Variants in DNASE1 observed in about 807,000 individuals in gnomAD.
The protein encoded by DNASE1 is deoxyribonuclease-1.
A neutral mutation model predicts 33.9 loss-of-function variants in DNASE1; 40 were observed. That is an observed-to-expected ratio of 1.18 (90% CI 0.92 to 1.54). DNASE1 has a LOEUF of 1.54. Ranked by LOEUF, DNASE1 falls within the 40% of genes most tolerant of loss-of-function variation. The pLI is 0.00. For missense variants in DNASE1, 518 were observed against 372.6 expected, an observed-to-expected ratio of 1.39 and a Z score of -3.21; for synonymous variants, 216 against 160.0, an observed-to-expected ratio of 1.35 and a Z score of -2.64.
intron 1 of DNASE1, among the ~76,000 whole-genome samples, chr16:3,618,035 C>T (rs558050860): frequency 7.2e-6 from 1 of 139,770 alleles, no homozygotes; most frequent in East Asian, 2.1e-4. Flanking sequence ...AATGAAAAGA[C>T]AACTCAGAAA....
chr16:3,627,591 A>G (rs2041555327), intron 1 of DNASE1, among the ~76,000 whole-genome samples: 3 of 151,962 alleles, frequency 2.0e-5, no homozygotes, highest in Admixed American at 2.0e-4. Context: ...TTTGTTTCCT[A>G]TGACTTTGAT....
At chr16:3,658,275 C>G (rs1182347058), downstream of DNASE1, 1 of 1,463,816 alleles carries the variant, frequency 6.8e-7, no homozygotes, top group African/African-American at 1.5e-5. Context: ...CATGGGGCAC[C>G]TTTTCATTTT....
In DNASE1 at chr16:3,664,176, CGGAGTCTTG is replaced by C; in HGVS notation, c.*6226_*6234del. 2.3e-6 allele frequency: 3 copies of C among 1,319,014 alleles called. No individual in the cohort carries two copies. The South Asian group carries it at 4.8e-5, about 21-fold the overall frequency. 81.7% of individuals were successfully genotyped at this position (1,319,014 alleles called of 1,614,324 possible). A position where few individuals can be genotyped will look rare whatever the true frequency, so the allele number is the denominator to read the frequency against. ...CCCTGACCCACTGTGCAGCCCTGCCCGGAGTCTTGGGCAGGTTCACCCAGCACAGAGCTG... is the reference window on the plus strand; with the variant it reads ...CCCTGACCCACTGTGCAGCCCTGCCCGGCAGGTTCACCCAGCACAGAGCTG... On this transcript the variant is annotated 3_prime_UTR_variant, in exon 10 of 10. Coordinates refer to the DNASE1 transcript ENST00000407479.
rs762047836 is a variant in DNASE1 at position 3,656,676 on chromosome 16, A to T, written c.359A>T (p.Asp120Val). 6 of 1,613,034 alleles carry T rather than the reference A, an allele frequency of 3.7e-6. No individual in the cohort carries two copies. In the Admixed American group the frequency reaches 8.3e-5, roughly 22 times the overall value. The change falls in exon 5 of 9, where the codon GAT becomes GTT. Residue 120 changes from aspartate to valine, a missense_variant. Physicochemically the swap from Asp to Val is radical, Grantham distance 152 (BLOSUM62 -3). Coordinates refer to ENST00000246949, the MANE Select transcript of DNASE1 (RefSeq NM_005223.4). ...TCTGCGGTGGACAGCTACTACTACG[A>T]TGATGGCTGCGAGCCCTGCGGGAAC... ...QVSAVDSYYY[D>V]DGCEPCGNDT...
At chr16:3,614,889 G>A (rs1567182780) in intron 1 of DNASE1, among the ~76,000 whole-genome samples, 1 of 152,180 alleles carries the variant, frequency 6.6e-6, no homozygotes, top group Non-Finnish European at 1.5e-5. Context: ...TGAAGTGCCT[G>A]TTTCCTATTT....
chr16:3,625,382 A>G (rs2041475871), intron 1 of DNASE1, among the ~76,000 whole-genome samples: 1 of 151,910 alleles, frequency 6.6e-6, no homozygotes, highest in Non-Finnish European at 1.5e-5. Flanking sequence ...AACTTGGGAG[A>G]CTGAGAAGGG....
At chr16:3,649,071 C>G (rs1213542970) in intron 1 of DNASE1, among the ~76,000 whole-genome samples, 1 of 152,138 alleles carries the variant, frequency 6.6e-6, no homozygotes, top group South Asian at 2.1e-4. Flanking sequence ...TCATTTAGAT[C>G]TAGAGGTTTG....
chr16:3,639,751 G>C (rs2041978043), upstream of DNASE1, among the ~76,000 whole-genome samples: 1 of 152,180 alleles, frequency 6.6e-6, no homozygotes, highest in Non-Finnish European at 1.5e-5. Context: ...ATTGGATGCT[G>C]AATATTGTGA....
downstream of DNASE1, chr16:3,662,788 G>A: frequency 8.5e-7 from 1 of 1,181,868 alleles, no homozygotes; most frequent in East Asian, 2.4e-5. Flanking sequence ...CTGCTGGAAG[G>A]ACACCCAACG....
downstream of DNASE1, chr16:3,662,454 G>C: frequency 1.9e-6 from 1 of 535,960 alleles, no homozygotes; most frequent in Non-Finnish European, 3.4e-6. Flanking sequence ...ACCATGCATG[G>C]GACGCTCATT....
At chr16:3,620,675 A>C (rs1376365005) in intron 1 of DNASE1, among the ~76,000 whole-genome samples, 9 of 152,236 alleles carry the variant, frequency 5.9e-5, no homozygotes, top group Non-Finnish European at 1.0e-4. Context: ...TTATGCAATA[A>C]ATGTCTTTGT....
downstream of DNASE1, chr16:3,658,180 G>A (rs765896737): frequency 2.5e-6 from 4 of 1,614,088 alleles, no homozygotes; most frequent in East Asian, 6.7e-5. Context: ...GGCCCACCAT[G>A]GCCCTAGGGT....
upstream of DNASE1, chr16:3,654,642 G>T (rs1236566765): frequency 5.0e-6 from 2 of 398,960 alleles, no homozygotes; most frequent in Non-Finnish European, 8.8e-6. Flanking sequence ...GGAACCTTTG[G>T]CCTTGTTATC....
At chr16:3,653,344 T>A (rs1203963455), upstream of DNASE1, 5 of 152,184 alleles carry the variant, frequency 3.3e-5, no homozygotes, top group African/African-American at 1.2e-4. Flanking sequence ...TTTCTGTTAT[T>A]TTAAGCAACC....
Position 3,655,934 on chromosome 16 carries a change from A to C in DNASE1, c.233A>C (p.Asn78Thr), listed in dbSNP as rs757254046. ...TAVGKLLDNL[N>T]QDAPDTYHYV... Reference sequence around the variant, plus strand: ...GTGGGGAAGCTGCTGGACAACCTCAATCAGTGGGTGACAGTGGCAGGGTCA... The same window carrying C: ...GTGGGGAAGCTGCTGGACAACCTCACTCAGTGGGTGACAGTGGCAGGGTCA... Residue 78 changes from asparagine (N) to threonine (T), a missense_variant, in exon 3 of 9, where the codon AAT becomes ACT. Transcript: ENST00000246949. 8.1e-6 allele frequency: 13 copies of C among 1,613,562 alleles called. No individual in the cohort carries two copies. Among genetic ancestry groups the C allele is most frequent in the Non-Finnish European group, 1.1e-5 (13 of 1,179,688 alleles).
intron 1 of DNASE1, among the ~76,000 whole-genome samples, chr16:3,625,225 G>A (rs945813975): frequency 7.9e-5 from 12 of 152,150 alleles, no homozygotes; most frequent in Non-Finnish European, 1.5e-5. Flanking sequence ...AGAATTGCTT[G>A]AGCCCTGGAG....
chr16:3,662,403 C>T, downstream of DNASE1: 1 of 571,708 alleles, frequency 1.7e-6, no homozygotes, highest in South Asian at 2.1e-5. Context: ...GTCCTCTGCT[C>T]CATGCCAGCC....
intron 7 of DNASE1, 139 bp downstream of exon 7, chr16:3,657,480 A>ATAACAAGAGCCACGATT (rs1420591204): frequency 7.6e-6 from 10 of 1,319,194 alleles, no homozygotes; most frequent in African/African-American, 3.0e-5. Context: ...AGGGAACAGA[A>ATAACAAGAGCCACGATT]TAACAAGAGC....
At chr16:3,632,310 G>A (rs1170761430) in intron 1 of DNASE1, among the ~76,000 whole-genome samples, 4 of 152,200 alleles carry the variant, frequency 2.6e-5, no homozygotes, top group African/African-American at 9.7e-5. Flanking sequence ...ATAGATTGAT[G>A]TTGAAGTTTC....
Sources: gnomAD v4.1 joint callset for allele counts (sites outside exome capture counted in the v4.1 genomes callset) on GRCh38, gnomAD v4.1.1 for gene constraint, MANE v1.5 for transcripts, NCBI Gene and HGNC (gene_info 2026-07-23, HGNC 2026-07-21) for gene names.